The following OCIAD2 variants were observed in gnomAD, a reference collection of about 807,000 sequenced individuals.
OCIAD2 encodes the protein OCIA domain containing 2.
In OCIAD2, 29 loss-of-function variants were observed where a neutral mutation model predicts 22.9. The ratio of observed to expected loss-of-function variants is 1.27; its 90% CI spans 0.94 to 1.73. The LOEUF is 1.73. Ranked by LOEUF, OCIAD2 falls within the 40% of genes most tolerant of loss-of-function variation. The pLI is 0.00. For missense variants in OCIAD2, 189 were observed against 180.3 expected, an observed-to-expected ratio of 1.05 and a Z score of -0.28; for synonymous variants, 67 against 60.2, an observed-to-expected ratio of 1.11 and a Z score of -0.52.
intron 6 of OCIAD2, among the ~76,000 whole-genome samples, chr4:48,888,079 T>G (rs1781043784): frequency 6.6e-6 from 1 of 152,198 alleles, no homozygotes; most frequent in African/African-American, 2.4e-5. Context: ...GATTCCTAGG[T>G]ATTTTATTTT....
Position 48,897,346 on chromosome 4 carries a change from G to C in OCIAD2, c.217+458C>G, listed in dbSNP as rs569559106. 15 of 166,162 alleles carry C rather than the reference G, an allele frequency of 9.0e-5. No individual in the cohort carries two copies. The South Asian group carries it at 2.5e-3, about 28-fold the overall frequency. The allele number at this position is 166,162 out of a possible 1,614,324, so 10.3% of individuals were successfully genotyped here. ...CTGCATTCCTAACTGGAGGCTCAAG[G>C]GTTTCTTGCCTTTCTAGCTTCTTGA... is the stretch of plus-strand genomic sequence containing the variant. On this transcript the variant is annotated intron_variant, in intron 4 of 6. Transcript: ENST00000508632.
At chr4:48,903,221 G>A (rs1388802818) in intron 2 of OCIAD2, among the ~76,000 whole-genome samples, 1 of 152,104 alleles carries the variant, frequency 6.6e-6, no homozygotes, top group East Asian at 1.9e-4. Flanking sequence ...CTAACAAGTT[G>A]AAAAATTGTT....
intron 1 of OCIAD2, among the ~76,000 whole-genome samples, chr4:48,905,525 A>G (rs1272578996): frequency 1.3e-5 from 2 of 152,122 alleles, no homozygotes; most frequent in Non-Finnish European, 2.9e-5. Context: ...ACACCATCAC[A>G]TGGCTTAGAA....
At chr4:48,897,756 A>G in intron 4 of OCIAD2, 48 bp downstream of exon 4, 12 of 1,447,662 alleles carry the variant, frequency 8.3e-6, no homozygotes, top group Non-Finnish European at 1.1e-5. Context: ...GGGTCACAGT[A>G]AACTGGGCTC....
chr4:48,897,893 T>A (rs2109678418), intron 3 of OCIAD2, 36 bp from the exon 4 acceptor site: 1 of 1,521,592 alleles, frequency 6.6e-7, no homozygotes, highest in East Asian at 2.3e-5. Flanking sequence ...ATTGGTATTT[T>A]AAAAATTGGC....
chr4:48,896,620 C>G (rs1356822518), intron 4 of OCIAD2, among the ~76,000 whole-genome samples: 1 of 152,020 alleles, frequency 6.6e-6, no homozygotes, highest in African/African-American at 2.4e-5. Context: ...AAAACAAAAC[C>G]CCAAGATCCC....
At chr4:48,891,781 T>C (rs1579150392) in intron 6 of OCIAD2, among the ~76,000 whole-genome samples, 1 of 152,192 alleles carries the variant, frequency 6.6e-6, no homozygotes, top group South Asian at 2.1e-4. Flanking sequence ...TGTCTGTAAA[T>C]ATGGAATTAT....
At chr4:48,905,527 G>A (rs1467339033) in intron 1 of OCIAD2, among the ~76,000 whole-genome samples, 1 of 152,052 alleles carries the variant, frequency 6.6e-6, no homozygotes, top group Non-Finnish European at 1.5e-5. Flanking sequence ...ACCATCACAT[G>A]GCTTAGAAAA....
intron 6 of OCIAD2, among the ~76,000 whole-genome samples, chr4:48,889,787 C>T (rs1781112139): frequency 6.6e-6 from 1 of 152,154 alleles, no homozygotes; most frequent in Non-Finnish European, 1.5e-5. Flanking sequence ...AAGCCTGCTG[C>T]TATAAAGACA....
intron 4 of OCIAD2, 52 bp from the exon 5 acceptor site, chr4:48,894,105 TAA>T (rs748912415): frequency 1.7e-5 from 16 of 964,256 alleles, no homozygotes; most frequent in African/African-American, 3.4e-5. Context: ...AATTAAATTA[TAA>T]GTTATAAATT....
At chr4:48,885,706 G>C (rs1438504298) in intron 6 of OCIAD2, 141 bp from the exon 7 acceptor site, 1 of 560,096 alleles carries the variant, frequency 1.8e-6, no homozygotes, top group Non-Finnish European at 3.2e-6. Context: ...TGCCCAGGCT[G>C]GTCTCGAGGG....
intron 6 of OCIAD2, among the ~76,000 whole-genome samples, chr4:48,889,293 C>G (rs960946752): frequency 6.6e-6 from 1 of 152,068 alleles, no homozygotes; most frequent in Non-Finnish European, 1.5e-5. Context: ...AAACCAGTTC[C>G]TGGATTCATT....
At chr4:48,903,413 G>C (rs1439636182) in intron 2 of OCIAD2, among the ~76,000 whole-genome samples, 4 of 151,992 alleles carry the variant, frequency 2.6e-5, no homozygotes, top group Non-Finnish European at 4.4e-5. Flanking sequence ...GAGGTGGGAG[G>C]ATCATTTGAG....
chr4:48,892,967 G>C, intron 5 of OCIAD2, 78 bp from the exon 6 acceptor site: 1 of 689,650 alleles, frequency 1.5e-6, no homozygotes, highest in Non-Finnish European at 2.5e-6. Context: ...AATCAACGCT[G>C]GTAATTTTAA....
intron 2 of OCIAD2, among the ~76,000 whole-genome samples, chr4:48,902,148 G>A (rs778630116): frequency 2.0e-5 from 3 of 152,030 alleles, no homozygotes; most frequent in Non-Finnish European, 2.9e-5. Flanking sequence ...AATTATTTAT[G>A]TGTGTTATTT....
At chr4:48,888,939 A>G (rs1781078367) in intron 6 of OCIAD2, among the ~76,000 whole-genome samples, 2 of 152,330 alleles carry the variant, frequency 1.3e-5, no homozygotes, top group African/African-American at 4.8e-5. Context: ...TACCTCTGGT[A>G]GAATTTGGCT....
intron 4 of OCIAD2, among the ~76,000 whole-genome samples, chr4:48,895,453 C>A (rs1408454301): frequency 1.3e-5 from 2 of 152,144 alleles, no homozygotes; most frequent in Non-Finnish European, 2.9e-5. Context: ...TCCAAGAGCA[C>A]AGAGCTGGCA....
At chr4:48,902,972 T>C (rs1781447995) in intron 2 of OCIAD2, among the ~76,000 whole-genome samples, 1 of 152,040 alleles carries the variant, frequency 6.6e-6, no homozygotes, top group Admixed American at 6.6e-5. Context: ...GGATCTCTGG[T>C]TATCATTTTC....
At chr4:48,902,914 T>C (rs1781446552) in intron 2 of OCIAD2, among the ~76,000 whole-genome samples, 1 of 151,994 alleles carries the variant, frequency 6.6e-6, no homozygotes, top group Non-Finnish European at 1.5e-5. Context: ...GATTGTTCCA[T>C]AGCACTCTAG....
Sources: gnomAD v4.1 joint callset for allele counts (sites outside exome capture counted in the v4.1 genomes callset) on GRCh38, gnomAD v4.1.1 for gene constraint, MANE v1.5 for transcripts, NCBI Gene and HGNC (gene_info 2026-07-23, HGNC 2026-07-21) for gene names.